GHR: variants seen among roughly 807,000 people sequenced by gnomAD.
GHR encodes growth hormone receptor.
Under a neutral mutation model 67.1 loss-of-function variants are expected in GHR, and 35 were observed. That is an observed-to-expected ratio of 0.52 (90% confidence interval 0.40 to 0.69). GHR has a LOEUF of 0.69. GHR is among the 30% of genes least tolerant of loss of function. The pLI is 0.00. For missense variants in GHR, 792 were observed against 764.6 expected (o/e 1.04, Z -0.42); for synonymous variants, 272 against 269.1 (o/e 1.01, Z -0.10).
In GHR at chr5:42,666,830, G is replaced by T. The variant is rs34516185; in HGVS notation, c.137-22060G>T. 2.6e-5 allele frequency among the ~76,000 whole-genome samples: 4 copies of T among 152,208 alleles called. No homozygotes were observed. The East Asian group carries it at 5.8e-4, about 22-fold the overall frequency. ...CATGAAAGTTGTGTCTCTCTAAATC[G>T]CAGATCTTTTCAACAAAGAGCCCAG... is the stretch of plus-strand genomic sequence containing the variant. On this transcript the variant is annotated intron_variant, in intron 3 of 9. Coordinates refer to ENST00000230882, the MANE Select transcript of GHR (RefSeq NM_000163.5).
At chr5:42,626,302 C>T (rs1753700430) in intron 2 of GHR, among the ~76,000 whole-genome samples, 1 of 152,236 alleles carries the variant, frequency 6.6e-6, no homozygotes, top group Non-Finnish European at 1.5e-5. Flanking sequence ...GTTACCTATA[C>T]TTCTAGCCAG....
chr5:42,442,049 G>A (rs180766238), intron 1 of GHR, among the ~76,000 whole-genome samples: 1 of 152,300 alleles, frequency 6.6e-6, no homozygotes, highest in East Asian at 1.9e-4. Context: ...GATGTGTGCA[G>A]ATGCAGAGGT....
rs1007727750 is a variant in GHR at position 42,718,555 on chromosome 5, A to G, written c.1048A>G (p.Ile350Val). The change falls in exon 10 of 10, where the codon ATT becomes GTT. Residue 350 changes from isoleucine to valine, a missense_variant. Physicochemically the swap from Ile to Val is conservative, Grantham distance 29. Transcript: ENST00000230882. ...TTGGGTTGAATTTATTGAGCTAGAT[A>G]TTGATGAGCCAGATGAAAAGACTGA... is the stretch of plus-strand genomic sequence containing the variant. ...DSWVEFIELD[I>V]DEPDEKTEES... 2 of 1,613,998 alleles carry G rather than the reference A, an allele frequency of 1.2e-6. No individual in the cohort carries two copies. The highest frequency in any genetic ancestry group is 1.7e-6 in the Non-Finnish European group (2 of 1,179,964).
At chr5:42,497,966 C>T (rs1471809921) in intron 1 of GHR, among the ~76,000 whole-genome samples, 1 of 152,162 alleles carries the variant, frequency 6.6e-6, no homozygotes, top group Non-Finnish European at 1.5e-5. Flanking sequence ...ATTGCTTTTC[C>T]TCTTCACTTT....
chr5:42,660,757 C>T (rs58083538), intron 3 of GHR, among the ~76,000 whole-genome samples: 4,085 of 152,252 alleles, frequency 0.027, 157 homozygotes, highest in African/African-American at 0.09. Context: ...CAAAGCTGGA[C>T]GGAGAATGAC....
intron 1 of GHR, among the ~76,000 whole-genome samples, chr5:42,525,478 A>G (rs1459907535): frequency 1.3e-5 from 2 of 152,234 alleles, no homozygotes; most frequent in East Asian, 3.8e-4. Context: ...TTCTGATTTT[A>G]CAGGCTTATA....
chr5:42,459,065 A>T (rs997510864), intron 1 of GHR, among the ~76,000 whole-genome samples: 2 of 152,202 alleles, frequency 1.3e-5, no homozygotes, highest in Non-Finnish European at 2.9e-5. Flanking sequence ...TGGGAATGTA[A>T]ATTAGTTCAG....
At chr5:42,686,093 T>C (rs1757125462) in intron 3 of GHR, among the ~76,000 whole-genome samples, 1 of 152,244 alleles carries the variant, frequency 6.6e-6, no homozygotes, top group Non-Finnish European at 1.5e-5. Context: ...TTTAAGTCTT[T>C]AATCCATCTT....
rs4866785 is a variant in GHR at position 42,458,538 on chromosome 5, C to G, written c.-12+34583C>G. Among the ~76,000 whole-genome samples the G allele has an allele frequency of 9.5e-3, 1,453 of 152,150 alleles. 57 individuals carry two copies. The highest frequency in any genetic ancestry group is 0.059 in the Admixed American group (895 of 15,280). ...ACTATAAAAAACCCTGGAAGATAAC[C>G]TAGGAAATGGCATTCTCGACATAGG... On this transcript the variant is annotated intron_variant, in intron 1 of 9. Coordinates refer to ENST00000230882, the MANE Select transcript of GHR (RefSeq NM_000163.5).
chr5:42,465,958 A>C lies in GHR; in HGVS notation c.-12+42003A>C, dbSNP rs61730347. ...GTCTTCTATCAGTTATTTTCCCTTC[A>C]CCGTGAAGTTGTTGAGCAGGTCTTC... On this transcript the variant is annotated intron_variant, in intron 1 of 9. Transcript: ENST00000230882. 2,707 of 659,266 alleles carry C rather than the reference A, an allele frequency of 4.1e-3. 8 individuals are homozygous for C. The highest frequency in any genetic ancestry group is 6.2e-3 in the Non-Finnish European group (2,247 of 362,570). The allele number at this position is 659,266 out of a possible 1,614,324, so 40.8% of individuals were successfully genotyped here.
chr5:42,636,772 G>C (rs1456865876), intron 3 of GHR, among the ~76,000 whole-genome samples: 1 of 152,142 alleles, frequency 6.6e-6, no homozygotes, highest in African/African-American at 2.4e-5. Flanking sequence ...TTTACAAAAA[G>C]ATTTATGGCT....
chr5:42,523,440 C>T (rs990503332), intron 1 of GHR, among the ~76,000 whole-genome samples: 9 of 152,178 alleles, frequency 5.9e-5, no homozygotes, highest in African/African-American at 2.2e-4. Flanking sequence ...ATTGGTAATC[C>T]TTGCAATGTT....
At chr5:42,571,504 A>T (rs1750313071) in intron 2 of GHR, among the ~76,000 whole-genome samples, 1 of 152,180 alleles carries the variant, frequency 6.6e-6, no homozygotes, top group Non-Finnish European at 1.5e-5. Flanking sequence ...TATATGCAGG[A>T]TGAGTTGAGA....
chr5:42,483,064 CACTT>C (rs1286279750), intron 1 of GHR, among the ~76,000 whole-genome samples: 1 of 152,222 alleles, frequency 6.6e-6, no homozygotes, highest in Non-Finnish European at 1.5e-5. Flanking sequence ...CTGGCATTCA[CACTT>C]ACTCTCTCTT....
intron 2 of GHR, among the ~76,000 whole-genome samples, chr5:42,616,788 G>A (rs369373814): frequency 6.6e-6 from 1 of 151,992 alleles, no homozygotes; most frequent in African/African-American, 2.4e-5. Flanking sequence ...AAGAACAGTC[G>A]GTGAGCTAGA....
chr5:42,560,892 ATTAAG>A (rs754914482), intron 1 of GHR, among the ~76,000 whole-genome samples: 3 of 152,194 alleles, frequency 2.0e-5, no homozygotes, highest in Admixed American at 6.5e-5. Flanking sequence ...TCTCAGTGAT[ATTAAG>A]TTAAGAAGTC....
chr5:42,601,788 G>A (rs1346395406), intron 2 of GHR, among the ~76,000 whole-genome samples: 2 of 151,966 alleles, frequency 1.3e-5, no homozygotes, highest in African/African-American at 4.8e-5. Flanking sequence ...AGTTGTGCTG[G>A]TTCTTTTCTT....
At chr5:42,693,742 C>G (rs1386774033) in intron 4 of GHR, among the ~76,000 whole-genome samples, 1 of 152,162 alleles carries the variant, frequency 6.6e-6, no homozygotes, top group Non-Finnish European at 1.5e-5. Context: ...AGGGATGGTC[C>G]CAAACCTCCA....
At chr5:42,677,233 T>G (rs1043031883) in intron 3 of GHR, among the ~76,000 whole-genome samples, 31 of 152,014 alleles carry the variant, frequency 2.0e-4, no homozygotes, top group African/African-American at 7.5e-4. Context: ...CTGAAAAGAG[T>G]ATTGCCAATA....
Sources: gnomAD v4.1 joint callset for allele counts (sites outside exome capture counted in the v4.1 genomes callset) on GRCh38, gnomAD v4.1.1 for gene constraint, MANE v1.5 for transcripts, NCBI Gene and HGNC (gene_info 2026-07-23, HGNC 2026-07-21) for gene names.